Variants in INSR observed in about 807,000 individuals in gnomAD.
The protein encoded by INSR is insulin receptor, also known as IR.
In INSR, 67 loss-of-function variants were observed where a neutral mutation model predicts 142.6. The observed-to-expected ratio is 0.47, with a 90% confidence interval of 0.39 to 0.58. The LOEUF (loss-of-function observed/expected upper bound fraction) is 0.58, where lower values mean the gene tolerates loss of function less well. Ranked by LOEUF, INSR falls within the 20% of genes least tolerant of loss-of-function variation. INSR has a pLI of 0.00. For missense variants in INSR, 1,248 were observed against 1,833.2 expected (o/e 0.68, Z 5.83); for synonymous variants, 756 against 743.1 (o/e 1.02, Z -0.28).
rs544555518 is a variant in INSR at position 7,153,005 on chromosome 19, C to T, written c.2030-78G>A. The T allele has an allele frequency of 1.5e-3, 911 of 604,012 alleles. 30 individuals carry two copies. In the East Asian group the frequency reaches 0.026, roughly 17 times the overall value. The allele number at this position is 604,012 out of a possible 1,614,324, so 37.4% of individuals were successfully genotyped here. ...TACACACACACACACACCCCACACA[C>T]ACACACACCACACACACACACCACA... On this transcript the variant is annotated intron_variant, in intron 9 of 21. Coordinates refer to ENST00000302850, the MANE Select transcript of INSR (RefSeq NM_000208.4).
intron 2 of INSR, among the ~76,000 whole-genome samples, chr19:7,252,480 A>G (rs1331294399): frequency 1.3e-5 from 2 of 152,100 alleles, no homozygotes; most frequent in African/African-American, 4.8e-5. Flanking sequence ...TAGTCAATTT[A>G]TTTGCAAATG....
In INSR at chr19:7,184,502, C is replaced by G. The variant is rs370458115; in HGVS notation, c.788G>C (p.Arg263Thr). ...VACRNFYLDG[R>T]CVETCPPPYY... ...CGGGGGCGGGCAGGTCTCCACACAC[C>G]TGCCGTCCAGGTAGAAGTTGCGGCA... is the stretch of plus-strand genomic sequence containing the variant. Residue 263 changes from arginine to threonine, a missense_variant, in exon 3 of 22, where the codon AGG (arginine) becomes ACG (threonine). Physicochemically the swap from Arg to Thr is moderately conservative, Grantham distance 71. Around this residue, in one of 3 missense-constraint regions of INSR, gnomAD observed 1,069 missense variants for 1,654.0 expected, o/e 0.65. Coordinates refer to ENST00000302850, the MANE Select transcript of INSR (RefSeq NM_000208.4). The G allele has an allele frequency of 6.2e-7, 1 of 1,613,986 alleles. No homozygotes were observed. Among genetic ancestry groups the G allele is most frequent in the Non-Finnish European group, 8.5e-7 (1 of 1,180,004 alleles).
At position 7,152,836 on chromosome 19, in the gene INSR, G is replaced by C. The variant is rs753257847; in HGVS notation, c.2121C>G (p.Gly707=). 1 of 1,613,400 alleles carries C rather than the reference G, an allele frequency of 6.2e-7. No individual in the cohort carries two copies. Among genetic ancestry groups the C allele is most frequent in the Non-Finnish European group, 8.5e-7 (1 of 1,179,904 alleles). Reference sequence around the variant, plus strand: ...CTGTCTTTGGACAGGAGCAGCATTCGCCGGCCGAATCCTCATACTCACTCT... The same window carrying C: ...CTGTCTTTGGACAGGAGCAGCATTCCCCGGCCGAATCCTCATACTCACTCT... ...HNQSEYEDSA[G]ECCSCPKTDS... is the part of the protein sequence containing the mutation. The change falls in exon 10 of 22, where the codon GGC becomes GGG. Residue 707 remains glycine, a synonymous_variant. Coordinates refer to ENST00000302850, the MANE Select transcript of INSR (RefSeq NM_000208.4).
chr19:7,187,961 C>T (rs1457225807), intron 2 of INSR, among the ~76,000 whole-genome samples: 1 of 152,098 alleles, frequency 6.6e-6, no homozygotes, highest in African/African-American at 2.4e-5. Context: ...CCCTACAGGC[C>T]TTGGGGGGTC....
intron 1 of INSR, among the ~76,000 whole-genome samples, chr19:7,289,050 G>A (rs1968420575): frequency 6.6e-6 from 1 of 151,810 alleles, no homozygotes; most frequent in South Asian, 2.1e-4. Flanking sequence ...AGAAGGAGAA[G>A]AGAACAGTAA....
chr19:7,143,775 C>T (rs1568442604), intron 11 of INSR, among the ~76,000 whole-genome samples: 1 of 152,164 alleles, frequency 6.6e-6, no homozygotes, highest in Non-Finnish European at 1.5e-5. Context: ...AAAATGTAGG[C>T]TGGGCGAGGT....
In INSR at chr19:7,216,371, A is replaced by C. The variant is rs371046570; in HGVS notation, c.653-31734T>G. On this transcript the variant is annotated intron_variant, in intron 2 of 21. Coordinates refer to ENST00000302850, the MANE Select transcript of INSR (RefSeq NM_000208.4). This position sits in a 1 kb window ranked among gnomAD's most constrained non-coding sequence, Gnocchi z 4.2. ...TAACTGACTGTGCCTCTGAAATCCT[A>C]AACAGAATATTACATGGCGTCTTGG... Among the ~76,000 whole-genome samples the C allele has an allele frequency of 6.6e-5, 10 of 152,258 alleles. No homozygotes were observed. The highest frequency in any genetic ancestry group is 2.1e-4 in the South Asian group (1 of 4,812).
intron 1 of INSR, among the ~76,000 whole-genome samples, chr19:7,283,540 A>C (rs1329291332): frequency 2.0e-5 from 3 of 152,074 alleles, no homozygotes; most frequent in African/African-American, 7.2e-5. Flanking sequence ...CCCGGGTTCC[A>C]GCAATTCTCC....
chr19:7,253,758 G>A (rs1976805360), intron 2 of INSR, among the ~76,000 whole-genome samples: 1 of 152,046 alleles, frequency 6.6e-6, no homozygotes, highest in African/African-American at 2.4e-5. Flanking sequence ...GCCGAGTGTG[G>A]TGGCTCACGC....
chr19:7,130,932 G>A (rs1972762674), intron 14 of INSR, among the ~76,000 whole-genome samples: 1 of 149,320 alleles, frequency 6.7e-6, no homozygotes, highest in Non-Finnish European at 1.5e-5. Flanking sequence ...AGGCTGGAGT[G>A]CAGTGGCGTG....
At chr19:7,259,375 A>G (rs989515536) in intron 2 of INSR, among the ~76,000 whole-genome samples, 1 of 152,056 alleles carries the variant, frequency 6.6e-6, no homozygotes, top group Non-Finnish European at 1.5e-5. Context: ...CAGTGTTGGA[A>G]GTAGAAGTTG....
At chr19:7,155,374 T>G (rs1331849072) in intron 9 of INSR, among the ~76,000 whole-genome samples, 1 of 151,304 alleles carries the variant, frequency 6.6e-6, no homozygotes, top group Non-Finnish European at 1.5e-5. Flanking sequence ...CTGTCTCTAC[T>G]AAAAAATCCA....
chr19:7,211,409 G>C (rs112938210), intron 2 of INSR, among the ~76,000 whole-genome samples: 9,285 of 152,138 alleles, frequency 0.061, 367 homozygotes, highest in Non-Finnish European at 0.085. Context: ...AGGAGGTGAC[G>C]CTGTCATCCC....
Position 7,168,164 on chromosome 19 carries a change from C to T in INSR, c.1484-70G>A. The T allele has an allele frequency of 2.0e-6, 3 of 1,526,938 alleles. No individual in the cohort carries two copies. Among genetic ancestry groups the T allele is most frequent in the Non-Finnish European group, 2.7e-6 (3 of 1,105,062 alleles). The allele number at this position is 1,526,938 out of a possible 1,614,324, so 94.6% of individuals were successfully genotyped here. A position where few individuals can be genotyped will look rare whatever the true frequency, so the allele number is the denominator to read the frequency against. ...AGTTTCAGACCAAAGCCTGGGACCCCCACACTTCCTGGAGGGACCGTGAGA... is the reference window on the plus strand; with the variant it reads ...AGTTTCAGACCAAAGCCTGGGACCCTCACACTTCCTGGAGGGACCGTGAGA... On this transcript the variant is annotated intron_variant, in intron 6 of 21. Transcript: ENST00000302850. The surrounding 1 kb of genome is among the most constrained non-coding windows in gnomAD (Gnocchi z 4.3).
intron 2 of INSR, among the ~76,000 whole-genome samples, chr19:7,197,973 TCCCCATGGTGGGA>T (rs1974830963): frequency 5.6e-5 from 8 of 142,218 alleles, no homozygotes; most frequent in African/African-American, 2.0e-4. Context: ...TGTGTGTGTG[TCCCCATGGTGGGA>T]GTGTGTGTGT....
intron 3 of INSR, among the ~76,000 whole-genome samples, chr19:7,179,207 T>C (rs1240672065): frequency 6.6e-6 from 1 of 152,222 alleles, no homozygotes; most frequent in Non-Finnish European, 1.5e-5. Context: ...CCACCACACC[T>C]GGCCAGGTTT....
At chr19:7,173,612 CTTTTTTTTTTT>C (rs953885301) in intron 4 of INSR, among the ~76,000 whole-genome samples, 12 of 61,480 alleles carry the variant, frequency 2.0e-4, no homozygotes, top group South Asian at 1.4e-3. Context: ...CAGCGCCTGG[CTTTTTTTTTTT>C]TTTTTTTTTT....
chr19:7,122,444 C>G, intron 19 of INSR, 170 bp downstream of exon 19: 1 of 729,524 alleles, frequency 1.4e-6, no homozygotes, highest in Non-Finnish European at 2.3e-6. Flanking sequence ...AAGACTCCGT[C>G]TCAAAAACAA....
At chr19:7,141,890 G>T in intron 12 of INSR, 74 bp from the exon 13 acceptor site, 1 of 1,214,572 alleles carries the variant, frequency 8.2e-7, no homozygotes, top group Non-Finnish European at 1.2e-6. Context: ...TGTCCATGGT[G>T]CAACCTTGGG....
Sources: allele counts gnomAD v4.1 joint callset (sites outside exome capture counted in the v4.1 genomes callset), GRCh38; gene constraint gnomAD v4.1.1; regional missense constraint gnomAD v4.1.1; non-coding constraint Gnocchi (gnomAD v3.1); transcripts MANE v1.5; gene names NCBI Gene and HGNC (gene_info 2026-07-23, HGNC 2026-07-21).